ESRRG: variants seen among roughly 807,000 people sequenced by gnomAD.
ESRRG encodes the protein estrogen related receptor gamma, also known as estrogen-related receptor gamma.
A neutral mutation model predicts 44.0 loss-of-function variants in ESRRG; 13 were observed. That is an observed-to-expected ratio of 0.30 (90% CI 0.19 to 0.47). The LOEUF is 0.47. ESRRG is among the 20% of genes least tolerant of loss of function. The probability of loss-of-function intolerance (pLI) is 1.00; values close to 1 mark genes in which losing one functional copy is unlikely to be tolerated. For missense variants in ESRRG, 395 were observed against 580.6 expected (o/e 0.68, Z 3.29); for synonymous variants, 215 against 214.6 (o/e 1.00, Z -0.02).
At chr1:217,071,933 A>G (rs1246120267) in intron 1 of ESRRG, among the ~76,000 whole-genome samples, 1 of 152,186 alleles carries the variant, frequency 6.6e-6, no homozygotes, top group Non-Finnish European at 1.5e-5. Context: ...GCATTTTCCA[A>G]AATCATCTTC....
intron 1 of ESRRG, among the ~76,000 whole-genome samples, chr1:217,027,296 T>C (rs901427604): frequency 3.3e-5 from 5 of 152,090 alleles, no homozygotes; most frequent in Non-Finnish European, 7.4e-5. Context: ...TCACTAATCT[T>C]CTGCTCAATG....
intron 3 of ESRRG, among the ~76,000 whole-genome samples, chr1:216,618,895 A>G (rs1374346096): frequency 2.0e-5 from 3 of 152,224 alleles, no homozygotes; most frequent in African/African-American, 7.2e-5. Flanking sequence ...GCCTACTGAG[A>G]ACAGCCCATG....
At chr1:216,693,112 T>C (rs1478577399) in intron 1 of ESRRG, among the ~76,000 whole-genome samples, 1 of 152,260 alleles carries the variant, frequency 6.6e-6, no homozygotes, top group Non-Finnish European at 1.5e-5. Context: ...CAACACTTTC[T>C]GCGCAACTTC....
At chr1:216,939,423 G>A (rs1241791231) in intron 2 of ESRRG, among the ~76,000 whole-genome samples, 1 of 146,208 alleles carries the variant, frequency 6.8e-6, no homozygotes, top group African/African-American at 2.5e-5. Flanking sequence ...GCAGAATGCG[G>A]AAAACATTAT....
chr1:216,953,922 G>GA (rs756650405), intron 1 of ESRRG, among the ~76,000 whole-genome samples: 1 of 151,640 alleles, frequency 6.6e-6, no homozygotes, highest in Non-Finnish European at 1.5e-5. Flanking sequence ...GGGGGGCAAT[G>GA]AAAAAAACAT....
intron 1 of ESRRG, among the ~76,000 whole-genome samples, chr1:216,679,808 A>C (rs1476588596): frequency 6.6e-6 from 1 of 151,296 alleles, no homozygotes; most frequent in Non-Finnish European, 1.5e-5. Flanking sequence ...AGAACTCTTG[A>C]TTTAAAGAAC....
intron 1 of ESRRG, among the ~76,000 whole-genome samples, chr1:216,982,695 CT>C (rs1289009830): frequency 1.1e-4 from 16 of 152,206 alleles, no homozygotes; most frequent in African/African-American, 3.6e-4. Flanking sequence ...AGCCATATAA[CT>C]GCTGGGTTTC....
At chr1:217,074,542 AAC>A (rs899887819) in intron 1 of ESRRG, among the ~76,000 whole-genome samples, 1 of 151,960 alleles carries the variant, frequency 6.6e-6, no homozygotes, top group East Asian at 1.9e-4. Context: ...GGTTTTTAAT[AAC>A]AGTGTTATAT....
chr1:217,082,428 G>A (rs956413835), intron 1 of ESRRG, among the ~76,000 whole-genome samples: 5 of 152,124 alleles, frequency 3.3e-5, no homozygotes, highest in Admixed American at 1.3e-4. Flanking sequence ...TAATTATAAA[G>A]GTTCAAAGAG....
chr1:216,977,348 A>C (rs1156451234), intron 1 of ESRRG, among the ~76,000 whole-genome samples: 20 of 151,538 alleles, frequency 1.3e-4, no homozygotes, highest in Non-Finnish European at 4.4e-5. Context: ...ACATACACAC[A>C]CACACACACA....
chr1:217,086,324 G>A (rs2092082883), intron 1 of ESRRG, among the ~76,000 whole-genome samples: 1 of 152,192 alleles, frequency 6.6e-6, no homozygotes, highest in Non-Finnish European at 1.5e-5. Context: ...ACATTTCAAT[G>A]CTGTAGCTAT....
chr1:216,735,402 C>A (rs1185164003), intron 2 of ESRRG, among the ~76,000 whole-genome samples: 2 of 150,712 alleles, frequency 1.3e-5, no homozygotes, highest in African/African-American at 4.9e-5. Context: ...GAGATAGGGT[C>A]TTGTTTTGTT....
chr1:216,873,316 A>G (rs1487584938), intron 2 of ESRRG, among the ~76,000 whole-genome samples: 1 of 150,104 alleles, frequency 6.7e-6, no homozygotes, highest in Non-Finnish European at 1.5e-5. Flanking sequence ...GGTTCAAGCA[A>G]TTCTCCTGCC....
chr1:216,706,372 G>A (rs1306700562), intron 1 of ESRRG, among the ~76,000 whole-genome samples: 1 of 152,082 alleles, frequency 6.6e-6, no homozygotes, highest in Non-Finnish European at 1.5e-5. Context: ...TTACATAAAG[G>A]TCCTTTGCAT....
chr1:216,690,261 G>GGT (rs144609679), intron 1 of ESRRG, among the ~76,000 whole-genome samples: 16 of 151,048 alleles, frequency 1.1e-4, no homozygotes, highest in East Asian at 9.7e-4. Context: ...ACCTGTGTGT[G>GGT]GTGTGTGTGT....
intron 2 of ESRRG, among the ~76,000 whole-genome samples, chr1:216,781,986 G>T (rs950216840): frequency 2.0e-5 from 3 of 152,038 alleles, no homozygotes; most frequent in Non-Finnish European, 4.4e-5. Flanking sequence ...GGTCACCTCA[G>T]CTGACAAAGA....
chr1:216,908,157 A>G (rs990358617), intron 2 of ESRRG, among the ~76,000 whole-genome samples: 65 of 152,368 alleles, frequency 4.3e-4, no homozygotes, highest in African/African-American at 1.3e-3. Flanking sequence ...AAACAAGAGT[A>G]TAATCCATCC....
intron 1 of ESRRG, among the ~76,000 whole-genome samples, chr1:217,132,230 A>G (rs1381332712): frequency 6.6e-6 from 1 of 152,174 alleles, no homozygotes; most frequent in Non-Finnish European, 1.5e-5. Flanking sequence ...CCCAGAGTCC[A>G]GTGATCCTCC....
At chr1:216,822,747 C>T (rs2095323378) in intron 2 of ESRRG, among the ~76,000 whole-genome samples, 1 of 152,178 alleles carries the variant, frequency 6.6e-6, no homozygotes, top group South Asian at 2.1e-4. Context: ...AGCTCTTGAA[C>T]TTTAAATATC....
Sources: allele counts gnomAD v4.1 joint callset (sites outside exome capture counted in the v4.1 genomes callset), GRCh38; gene constraint gnomAD v4.1.1; transcripts MANE v1.5; gene names NCBI Gene and HGNC (gene_info 2026-07-23, HGNC 2026-07-21).